Variants in AQP3 observed in about 807,000 individuals in gnomAD.
AQP3 encodes aquaporin-3.
Under a neutral mutation model 30.3 loss-of-function variants are expected in AQP3, and 15 were observed. That is an observed-to-expected ratio of 0.49 (90% CI 0.33 to 0.76). AQP3 has a LOEUF of 0.76. Among genes scored for constraint, AQP3 ranks in the 30% least tolerant of loss-of-function variants. The pLI, the probability that AQP3 is intolerant of heterozygous loss-of-function variation, is 0.02. For missense variants in AQP3, 272 were observed against 384.8 expected (o/e 0.71, Z 2.45); for synonymous variants, 153 against 163.2 (o/e 0.94, Z 0.47).
rs146932335 is a variant in AQP3 at position 33,446,847 on chromosome 9, C to A, written c.108+576G>T. Among the ~76,000 whole-genome samples, 6 of 152,308 alleles carry A rather than the reference C, an allele frequency of 3.9e-5. No individual in the cohort carries two copies. The East Asian group carries it at 1.2e-3, about 29-fold the overall frequency. Reference sequence around the variant, plus strand: ...GTGCCTGGGCCTAGCTTCCTCCCACCCTTCTACCGTCAGAATCTGCCTCCC... The same window carrying A: ...GTGCCTGGGCCTAGCTTCCTCCCACACTTCTACCGTCAGAATCTGCCTCCC... On this transcript the variant is annotated intron_variant, in intron 1 of 5. Coordinates refer to ENST00000297991, the MANE Select transcript of AQP3 (RefSeq NM_004925.5).
rs531121215 is a variant in AQP3 at position 33,443,845 on chromosome 9, G to C, written c.156C>G (p.Thr52=). 3.3e-5 allele frequency: 54 copies of C among 1,613,886 alleles called. No individual in the cohort carries two copies. Among genetic ancestry groups the C allele is most frequent in the Non-Finnish European group, 4.5e-5 (53 of 1,180,006 alleles). The change falls in exon 2 of 6, where the codon ACC becomes ACG. Residue 52 remains threonine, a synonymous_variant. Transcript: ENST00000297991. This position sits in a 1 kb window ranked among gnomAD's most constrained non-coding sequence, Gnocchi z 5.0. ...GGTTGATGGTGAGGAAACCACCGTG[G>C]GTGCCCCGGCTGAGCACAACCTGGG... ...SVAQVVLSRG[T]HGGFLTINLA...
Position 33,442,285 on chromosome 9 carries a change from T to C in AQP3, c.710+16A>G. ...GAGAGGCAGGCTGGGGTGAGCTGGG[T>C]GGGGGCTGTACTCACGTGAAGACTG... is the stretch of plus-strand genomic sequence containing the variant. On this transcript the variant is annotated intron_variant, in intron 5 of 5. Transcript: ENST00000297991. The C allele has an allele frequency of 6.2e-7, 1 of 1,611,086 alleles. No individual in the cohort carries two copies. The highest frequency in any genetic ancestry group is 1.3e-5 in the African/African-American group (1 of 74,730).
Position 33,447,590 on chromosome 9 carries a change from G to C in AQP3, c.-60C>G, listed in dbSNP as rs1217440789. The C allele has an allele frequency of 7.4e-7, 1 of 1,346,502 alleles. No homozygotes were observed. Among genetic ancestry groups the C allele is most frequent in the Non-Finnish European group, 1.0e-6 (1 of 975,112 alleles). 83.4% of individuals were successfully genotyped at this position (1,346,502 alleles called of 1,614,324 possible). ...GGGTGGCGGGAGGCGGTGGCGCAGC[G>C]AGCAGCGGCCTCCAGCGCTGGTGGC... On this transcript the variant is annotated 5_prime_UTR_variant, in exon 1 of 6. Coordinates refer to ENST00000297991, the MANE Select transcript of AQP3 (RefSeq NM_004925.5).
intron 1 of AQP3, among the ~76,000 whole-genome samples, chr9:33,447,024 C>T (rs1826922818): frequency 6.6e-6 from 1 of 152,212 alleles, no homozygotes; most frequent in Non-Finnish European, 1.5e-5. Context: ...AATAATGGCT[C>T]ATTTGCCTCC....
chr9:33,441,896 AG>A lies in AQP3; in HGVS notation c.*146del. On this transcript the variant is annotated 3_prime_UTR_variant, in exon 6 of 6. Transcript: ENST00000297991. ...GGGCAAGGTCCAGTGGAAATCCTGA[AG>A]GGGCTGTCTCGTGGGGTGAGGGTAG... 7.7e-7 allele frequency: 1 copy of A among 1,294,634 alleles called. No homozygotes were observed. The highest frequency in any genetic ancestry group is 2.2e-5 in the Admixed American group (1 of 46,140). The allele number at this position is 1,294,634 out of a possible 1,614,324, so 80.2% of individuals were successfully genotyped here. A position where few individuals can be genotyped will look rare whatever the true frequency, so the allele number is the denominator to read the frequency against.
chr9:33,442,178 C>G lies in AQP3; in HGVS notation c.744G>C (p.Val248=). The G allele has an allele frequency of 6.2e-7, 1 of 1,612,952 alleles. No homozygotes were observed. Among genetic ancestry groups the G allele is most frequent in the Non-Finnish European group, 8.5e-7 (1 of 1,179,868 alleles). The change falls in exon 6 of 6, where the codon GTG becomes GTC. Residue 248 remains valine (V), a synonymous_variant. Transcript: ENST00000297991. ...CCGCAATGGAGCCCAGGAGTGGGGA[C>G]ACGATGGGCACCCACCACCAATGCT... ...TGQHWWWVPI[V]SPLLGSIAGV...
intron 1 of AQP3, among the ~76,000 whole-genome samples, chr9:33,446,903 C>A (rs927819830): frequency 6.6e-6 from 1 of 152,226 alleles, no homozygotes; most frequent in Non-Finnish European, 1.5e-5. Context: ...GCCCATGTGG[C>A]CTGCACCCTC....
chr9:33,443,331 C>T lies in AQP3; in HGVS notation c.363G>A (p.Gly121=). 6.3e-7 allele frequency: 1 copy of T among 1,582,668 alleles called. No individual in the cohort carries two copies. The highest frequency in any genetic ancestry group is 8.6e-7 in the Non-Finnish European group (1 of 1,164,088). ...GTGGGGAATGCTTACCATAATACAG[C>T]CCAAAAACTATTCCAGCACCCAAGA... is the stretch of plus-strand genomic sequence containing the variant. ...GAFLGAGIVF[G]LYYDAIWHFA... The change falls in exon 3 of 6, where the codon GGG becomes GGA. Residue 121 remains glycine (G), a synonymous_variant. Transcript: ENST00000297991. This position sits in a 1 kb window ranked among gnomAD's most constrained non-coding sequence, Gnocchi z 5.0.
In AQP3 at chr9:33,443,408, C is replaced by T. The variant is rs779519202; in HGVS notation, c.286G>A (p.Glu96Lys). The T allele has an allele frequency of 3.1e-6, 5 of 1,608,860 alleles. No individual in the cohort carries two copies. The highest frequency in any genetic ancestry group is 2.2e-5 in the East Asian group (1 of 44,704). Reference sequence around the variant, plus strand: ...TAGATGGGCAGCTTGATCCAGGGCTCACGAGCCAGGAAGCACATGGCAAAG... The same window carrying T: ...TAGATGGGCAGCTTGATCCAGGGCTTACGAGCCAGGAAGCACATGGCAAAG... ...VTFAMCFLAREPWIKLPIYTL... is the reference protein window; with the variant it reads ...VTFAMCFLARKPWIKLPIYTL... Residue 96 changes from glutamate (E) to lysine (K), a missense_variant, in exon 3 of 6, where the codon GAG becomes AAG. Transcript: ENST00000297991. This position sits in a 1 kb window ranked among gnomAD's most constrained non-coding sequence, Gnocchi z 5.0.
At chr9:33,446,920 C>T (rs556417286) in intron 1 of AQP3, among the ~76,000 whole-genome samples, 1 of 152,214 alleles carries the variant, frequency 6.6e-6, no homozygotes, top group African/African-American at 2.4e-5. Flanking sequence ...CCTCTGCCCC[C>T]ACTCGTGCAA....
At position 33,442,354 on chromosome 9, in the gene AQP3, G is replaced by A. The variant is rs769622232; in HGVS notation, c.657C>T (p.Asp219=). Residue 219 remains aspartate (D), a synonymous_variant, in exon 5 of 6, where the codon GAC becomes GAT. Transcript: ENST00000297991. ...GGGCTGTAAAAAGGCGGGGGCCAAA[G>A]TCCCGGGCAGGGTTGACGGCATAGC... ...NSGYAVNPAR[D]FGPRLFTALA... 1.9e-6 allele frequency: 3 copies of A among 1,612,668 alleles called. No homozygotes were observed. The highest frequency in any genetic ancestry group is 1.3e-5 in the African/African-American group (1 of 75,070).
chr9:33,442,572 C>T, intron 4 of AQP3, 54 bp from the exon 5 acceptor site: 1 of 1,504,996 alleles, frequency 6.6e-7, no homozygotes, highest in East Asian at 2.4e-5. Context: ...TCTCTGACCC[C>T]TCCTTCCATC....
Position 33,441,841 on chromosome 9 carries a change from G to T in AQP3, c.*202C>A. 1.2e-6 allele frequency: 1 copy of T among 815,230 alleles called. No individual in the cohort carries two copies. Among genetic ancestry groups the T allele is most frequent in the Non-Finnish European group, 2.0e-6 (1 of 510,854 alleles). 50.5% of individuals were successfully genotyped at this position (815,230 alleles called of 1,614,324 possible). On this transcript the variant is annotated 3_prime_UTR_variant, in exon 6 of 6. Coordinates refer to ENST00000297991, the MANE Select transcript of AQP3 (RefSeq NM_004925.5). ...TGACCCAAATTCCGGTTCCACCCCA[G>T]CTTAGGGGCAGTGGCCTAAGGTGCT...
rs1268668996 is a variant in AQP3 at position 33,442,214 on chromosome 9, G to A, written c.711-3C>T. 6.2e-7 allele frequency: 1 copy of A among 1,612,318 alleles called. No individual in the cohort carries two copies. The highest frequency in any genetic ancestry group is 8.5e-7 in the Non-Finnish European group (1 of 1,179,466). ...CCCACCACCAATGCTGGCCGGTCCT[G>A]GGGGGACAGACACTCATAGTCAGGG... is the stretch of plus-strand genomic sequence containing the variant. On this transcript the variant is annotated splice_polypyrimidine_tract_variant and splice_region_variant and intron_variant, in intron 5 of 5. Transcript: ENST00000297991.
chr9:33,442,596 C>G (rs1295516108), intron 4 of AQP3, 78 bp from the exon 5 acceptor site: 3 of 1,430,018 alleles, frequency 2.1e-6, no homozygotes, highest in Admixed American at 1.9e-5. Flanking sequence ...CGTCTTCCCT[C>G]TAGCTCTTAA....
chr9:33,443,639 T>A lies in AQP3; in HGVS notation c.235+127A>T. 1.3e-6 allele frequency: 2 copies of A among 1,520,742 alleles called. No individual in the cohort carries two copies. The highest frequency in any genetic ancestry group is 1.8e-6 in the Non-Finnish European group (2 of 1,109,190). 94.2% of individuals were successfully genotyped at this position (1,520,742 alleles called of 1,614,324 possible). On this transcript the variant is annotated intron_variant, in intron 2 of 5. Transcript: ENST00000297991. This position sits in a 1 kb window ranked among gnomAD's most constrained non-coding sequence, Gnocchi z 5.0. ...TCGAAAGTTCTAAGTGTCAAGTTTCTTCTCCACCCTCCTTTCCCAAGGGGC... is the reference window on the plus strand; with the variant it reads ...TCGAAAGTTCTAAGTGTCAAGTTTCATCTCCACCCTCCTTTCCCAAGGGGC...
In AQP3 at chr9:33,447,463, C is replaced by A. The variant is rs1158008302; in HGVS notation, c.68G>T (p.Arg23Leu). 2.5e-6 allele frequency: 4 copies of A among 1,608,272 alleles called. No individual in the cohort carries two copies. Among genetic ancestry groups the A allele is most frequent in the Non-Finnish European group, 3.4e-6 (4 of 1,178,184 alleles). The part of the protein sequence containing the change: ...EMLHIRYRLL[R>L]QALAECLGTL... ...CCCCAGGCACTCGGCCAGCGCCTGT[C>A]GGAGCAGCCGGTAGCGGATGTGGAG... Residue 23 changes from arginine (R) to leucine (L), a missense_variant, in exon 1 of 6, where the codon CGA becomes CTA. Transcript: ENST00000297991.
rs1170160878 is a variant in AQP3 at position 33,441,837 on chromosome 9, C to T, written c.*206G>A. ...GTATTGACCCAAATTCCGGTTCCAC[C>T]CCAGCTTAGGGGCAGTGGCCTAAGG... On this transcript the variant is annotated 3_prime_UTR_variant, in exon 6 of 6. Transcript: ENST00000297991. 1.3e-6 allele frequency: 1 copy of T among 795,626 alleles called. No homozygotes were observed. Among genetic ancestry groups the T allele is most frequent in the African/African-American group, 1.7e-5 (1 of 58,178 alleles). 49.3% of individuals were successfully genotyped at this position (795,626 alleles called of 1,614,324 possible). A position where few individuals can be genotyped will look rare whatever the true frequency, so the allele number is the denominator to read the frequency against.
Position 33,442,621 on chromosome 9 carries a change from C to T in AQP3, c.493-103G>A. On this transcript the variant is annotated intron_variant, in intron 4 of 5. Coordinates refer to ENST00000297991, the MANE Select transcript of AQP3 (RefSeq NM_004925.5). ...CTAGCTCTTAAACTCTTGTCAGCGCCCGCCCATGCTCTTCTCCTGAAAGCA... is the reference window on the plus strand; with the variant it reads ...CTAGCTCTTAAACTCTTGTCAGCGCTCGCCCATGCTCTTCTCCTGAAAGCA... 2.4e-6 allele frequency: 3 copies of T among 1,269,324 alleles called. No homozygotes were observed. The South Asian group carries it at 3.8e-5, about 16-fold the overall frequency. The allele number at this position is 1,269,324 out of a possible 1,614,324, so 78.6% of individuals were successfully genotyped here.
Sources: allele counts gnomAD v4.1 joint callset (sites outside exome capture counted in the v4.1 genomes callset), GRCh38; gene constraint gnomAD v4.1.1; non-coding constraint Gnocchi (gnomAD v3.1); transcripts MANE v1.5; gene names NCBI Gene and HGNC (gene_info 2026-07-23, HGNC 2026-07-21).